The following SLC26A9 variants were observed in gnomAD, a reference collection of about 807,000 sequenced individuals.
SLC26A9 encodes solute carrier family 26 member 9.
A neutral mutation model predicts 87.1 loss-of-function variants in SLC26A9; 46 were observed. The ratio of observed to expected loss-of-function variants is 0.53; its 90% CI spans 0.42 to 0.67. The LOEUF is 0.67. SLC26A9 is among the 30% of genes least tolerant of loss of function. The pLI, the probability that SLC26A9 is intolerant of heterozygous loss-of-function variation, is 0.00. For synonymous variants in SLC26A9, 437 were observed against 409.1 expected (o/e 1.07, Z -0.82); for missense variants, 927 against 1,018.3 (o/e 0.91, Z 1.22).
chr1:205,926,525 C>T lies in SLC26A9; in HGVS notation c.1389+10G>A, dbSNP rs375037322. 1.1e-5 allele frequency: 17 copies of T among 1,612,894 alleles called. No homozygotes were observed. Among genetic ancestry groups the T allele is most frequent in the African/African-American group, 4.0e-5 (3 of 74,962 alleles). ...GCATGGCCAGTACCCAGAGGCTGCCCGATACTTACACAGTCCAGCTTGCTC... is the reference window on the plus strand; with the variant it reads ...GCATGGCCAGTACCCAGAGGCTGCCTGATACTTACACAGTCCAGCTTGCTC... On this transcript the variant is annotated intron_variant, in intron 12 of 20. Coordinates refer to ENST00000367135, the MANE Select transcript of SLC26A9 (RefSeq NM_052934.4).
At chr1:205,935,657 G>A (rs944308484) in intron 2 of SLC26A9, 39 bp downstream of exon 2, 3 of 1,612,736 alleles carry the variant, frequency 1.9e-6, no homozygotes, top group Middle Eastern at 3.3e-4. Flanking sequence ...TTTTGGTAGG[G>A]AGCAGAGGAG....
intron 19 of SLC26A9, among the ~76,000 whole-genome samples, chr1:205,918,117 G>A (rs1178181642): frequency 6.6e-6 from 1 of 152,152 alleles, no homozygotes; most frequent in East Asian, 1.9e-4. Context: ...CCTTTCTTAT[G>A]ACCCACAGAG....
intron 1 of SLC26A9, among the ~76,000 whole-genome samples, chr1:205,941,194 A>G (rs532408583): frequency 1.3e-5 from 2 of 151,804 alleles, no homozygotes; most frequent in Non-Finnish European, 2.9e-5. Flanking sequence ...TTTGAGGTGG[A>G]GTCTCCCTCT....
chr1:205,942,687 G>A (rs562984253), intron 1 of SLC26A9, among the ~76,000 whole-genome samples: 1 of 152,182 alleles, frequency 6.6e-6, no homozygotes, highest in Non-Finnish European at 1.5e-5. Flanking sequence ...AAGCCCTTCT[G>A]TGTTGAAGCA....
intron 19 of SLC26A9, among the ~76,000 whole-genome samples, chr1:205,917,843 G>GTC (rs1487426577): frequency 2.6e-5 from 4 of 152,136 alleles, no homozygotes; most frequent in African/African-American, 9.7e-5. Flanking sequence ...GACTAATCAA[G>GTC]TATACATACC....
Position 205,921,859 on chromosome 1 carries a change from G to A in SLC26A9, c.1774-12C>T, listed in dbSNP as rs1404840793. 2 of 1,600,104 alleles carry A rather than the reference G, an allele frequency of 1.2e-6. No homozygotes were observed. Among genetic ancestry groups the A allele is most frequent in the African/African-American group, 1.3e-5 (1 of 74,860 alleles). On this transcript the variant is annotated splice_polypyrimidine_tract_variant and intron_variant, in intron 16 of 20. Transcript: ENST00000367135. The stretch of plus-strand genomic sequence containing the variant: ...TGCAGGGAGACAGTCTGGAAGGGTG[G>A]GGACAGTGGGCAGAGTCAGGGACCA...
At chr1:205,931,485 G>GTTTTTTTTTTTTTTTT (rs1659306646) in intron 5 of SLC26A9, among the ~76,000 whole-genome samples, 1 of 20,974 alleles carries the variant, frequency 4.8e-5, no homozygotes, top group African/African-American at 2.5e-4. Flanking sequence ...TTTTTTTTTT[G>GTTTTTTTTTTTTTTTT]AGACGGAGTC....
chr1:205,928,611 G>A (rs570888670), intron 8 of SLC26A9, among the ~76,000 whole-genome samples: 4 of 152,350 alleles, frequency 2.6e-5, no homozygotes, highest in Admixed American at 2.0e-4. Context: ...TATAAGGGGA[G>A]TGTGGCAGTT....
In SLC26A9 at chr1:205,927,895, G is replaced by T; in HGVS notation, c.1101+7C>A. The T allele has an allele frequency of 1.9e-6, 3 of 1,613,622 alleles. No individual in the cohort carries two copies. Among genetic ancestry groups the T allele is most frequent in the Non-Finnish European group, 2.5e-6 (3 of 1,179,682 alleles). On this transcript the variant is annotated splice_region_variant and intron_variant, in intron 9 of 20. Transcript: ENST00000367135. ...TGCCCAGTCCTGCCGGGGGTGGCCA[G>T]AGCTACCTGGTTCGAATCCACGTCG...
At chr1:205,931,465 G>GTTTGTTTTTTTTT (rs1659300461) in intron 5 of SLC26A9, among the ~76,000 whole-genome samples, 1 of 96,012 alleles carries the variant, frequency 1.0e-5, no homozygotes, top group Non-Finnish European at 2.0e-5. Context: ...CCCTAACTTG[G>GTTTGTTTTTTTTT]TTTTTTTTTT....
chr1:205,916,167 G>A (rs527863349), intron 20 of SLC26A9, among the ~76,000 whole-genome samples: 206 of 152,192 alleles, frequency 1.4e-3, no homozygotes, highest in Admixed American at 3.4e-3. Flanking sequence ...CACGATCTCG[G>A]CTCACTGCAA....
Position 205,915,075 on chromosome 1 carries a change from G to A in SLC26A9, c.*282C>T, listed in dbSNP as rs747669354. ...ACAGGGCAGAGGTGGGTGGGGTGGA[G>A]TGAGCAGGAGGCTTGTCCATTGCGG... On this transcript the variant is annotated 3_prime_UTR_variant, in exon 21 of 21. Coordinates refer to ENST00000367135, the MANE Select transcript of SLC26A9 (RefSeq NM_052934.4). The A allele has an allele frequency of 6.2e-7, 1 of 1,614,172 alleles. No homozygotes were observed. The highest frequency in any genetic ancestry group is 1.7e-5 in the Admixed American group (1 of 60,024).
intron 20 of SLC26A9, among the ~76,000 whole-genome samples, chr1:205,915,872 C>T (rs1658572482): frequency 6.6e-6 from 1 of 152,120 alleles, no homozygotes; most frequent in Non-Finnish European, 1.5e-5. Context: ...TCTAATCTGT[C>T]CCACCTGCCA....
intron 1 of SLC26A9, among the ~76,000 whole-genome samples, chr1:205,942,937 T>G (rs1421336382): frequency 6.6e-6 from 1 of 152,166 alleles, no homozygotes; most frequent in Non-Finnish European, 1.5e-5. Context: ...GAGACAGCCA[T>G]GCAGAGTAGG....
intron 17 of SLC26A9, among the ~76,000 whole-genome samples, chr1:205,920,603 C>T (rs1658788349): frequency 6.6e-6 from 1 of 152,188 alleles, no homozygotes; most frequent in African/African-American, 2.4e-5. Context: ...TGGGTTCAAG[C>T]AATTCTCTGC....
chr1:205,932,843 A>C (rs1015695585), intron 3 of SLC26A9, 31 bp from the exon 4 acceptor site: 11 of 1,591,200 alleles, frequency 6.9e-6, no homozygotes, highest in Non-Finnish European at 9.4e-6. Context: ...GAAGCTCAGC[A>C]GCATGACTAG....
chr1:205,925,184 T>G (rs1217092154), intron 12 of SLC26A9, among the ~76,000 whole-genome samples: 2 of 152,192 alleles, frequency 1.3e-5, no homozygotes, highest in African/African-American at 4.8e-5. Context: ...AATGTGACGG[T>G]CCTAGCCTAG....
At position 205,913,210 on chromosome 1, in the gene SLC26A9, A is replaced by C. The variant is rs1168816685; in HGVS notation, c.*2147T>G. 6.6e-6 allele frequency: 1 copy of C among 152,206 alleles called. No individual in the cohort carries two copies. The highest frequency in any genetic ancestry group is 1.5e-5 in the Non-Finnish European group (1 of 68,038). 9.4% of individuals were successfully genotyped at this position (152,206 alleles called of 1,614,324 possible). The stretch of plus-strand genomic sequence containing the variant: ...TCACTAAGAACATTCAAAAGCATTG[A>C]AATTCTGGATTATTTCACTACTTTG... On this transcript the variant is annotated 3_prime_UTR_variant, in exon 21 of 21. Coordinates refer to ENST00000367135, the MANE Select transcript of SLC26A9 (RefSeq NM_052934.4).
intron 8 of SLC26A9, 27 bp downstream of exon 8, chr1:205,928,800 C>T: frequency 6.2e-7 from 1 of 1,612,774 alleles, no homozygotes; most frequent in Non-Finnish European, 8.5e-7. Context: ...TGCGGGTGGG[C>T]CAGGCTTCTG....
Sources: gnomAD v4.1 joint callset for allele counts (sites outside exome capture counted in the v4.1 genomes callset) on GRCh38, gnomAD v4.1.1 for gene constraint, MANE v1.5 for transcripts, NCBI Gene and HGNC (gene_info 2026-07-23, HGNC 2026-07-21) for gene names.